HCRTR2: variants seen among roughly 807,000 people sequenced by gnomAD.
HCRTR2 encodes orexin receptor type 2.
A neutral mutation model predicts 49.0 loss-of-function variants in HCRTR2; 22 were observed. The ratio of observed to expected loss-of-function variants is 0.45; its 90% CI spans 0.32 to 0.64. HCRTR2 has a LOEUF of 0.64. Ranked by LOEUF, HCRTR2 falls within the 30% of genes least tolerant of loss-of-function variation. The pLI, the probability that HCRTR2 is intolerant of heterozygous loss-of-function variation, is 0.04. For synonymous variants in HCRTR2, 236 were observed against 205.3 expected, an observed-to-expected ratio of 1.15 and a Z score of -1.28; for missense variants, 491 against 559.4, an observed-to-expected ratio of 0.88 and a Z score of 1.23.
chr6:55,176,262 A>G (rs1189272203), intron 1 of HCRTR2, among the ~76,000 whole-genome samples: 2 of 152,214 alleles, frequency 1.3e-5, no homozygotes, highest in Non-Finnish European at 2.9e-5. Context: ...GTACATTTTT[A>G]AATATTATTT....
At chr6:55,138,731 C>T (rs1764464637) in intron 1 of HCRTR2, among the ~76,000 whole-genome samples, 2 of 152,198 alleles carry the variant, frequency 1.3e-5, no homozygotes, top group Admixed American at 1.3e-4. Flanking sequence ...TCTATAGTTA[C>T]TCTCCGGCAC....
At chr6:55,145,589 G>C (rs1324981909) in intron 1 of HCRTR2, among the ~76,000 whole-genome samples, 2 of 151,796 alleles carry the variant, frequency 1.3e-5, no homozygotes, top group Non-Finnish European at 2.9e-5. Context: ...TTTTGTTTTT[G>C]TATTTTTAGT....
At chr6:55,220,377 T>A (rs75427684) in intron 1 of HCRTR2, among the ~76,000 whole-genome samples, 1,681 of 152,302 alleles carry the variant, frequency 0.011, 35 homozygotes, top group African/African-American at 0.039. Flanking sequence ...GTTGAATTTA[T>A]CTCTGGAATG....
intron 1 of HCRTR2, among the ~76,000 whole-genome samples, chr6:55,136,263 A>T (rs556553353): frequency 6.6e-6 from 1 of 152,208 alleles, no homozygotes; most frequent in Non-Finnish European, 1.5e-5. Flanking sequence ...GCTGGTTGTC[A>T]TGGAATTGAG....
At position 55,166,883 on chromosome 6, in the gene HCRTR2, C is replaced by T. The variant is rs977708099; in HGVS notation, c.-377-7328C>T. On this transcript the variant is annotated intron_variant, in intron 1 of 7. Transcript: ENST00000615358. ...ATTCAGCCACAAAAATAATAAAGTA[C>T]GGATAGACACTAAAACATGGAAGAA... Among the ~76,000 whole-genome samples, 8 of 151,998 alleles carry T rather than the reference C, an allele frequency of 5.3e-5. No individual in the cohort carries two copies. The South Asian group carries it at 6.2e-4, about 12-fold the overall frequency.
intron 1 of HCRTR2, among the ~76,000 whole-genome samples, chr6:55,125,156 T>C (rs1764255817): frequency 6.6e-6 from 1 of 152,224 alleles, no homozygotes. Context: ...ACTGTCATTA[T>C]GATGCTAGCT....
At chr6:55,187,009 G>T (rs1765227242) in intron 1 of HCRTR2, among the ~76,000 whole-genome samples, 1 of 151,944 alleles carries the variant, frequency 6.6e-6, no homozygotes, top group South Asian at 2.1e-4. Flanking sequence ...ATTTAATAGA[G>T]AATAGGAGAA....
chr6:55,154,303 C>T (rs9382456), intron 1 of HCRTR2, among the ~76,000 whole-genome samples: 5,806 of 151,860 alleles, frequency 0.038, 222 homozygotes, highest in African/African-American at 0.097. Flanking sequence ...ACCAAAACTA[C>T]GCAAAAATAC....
At chr6:55,222,147 A>G (rs1765909675) in intron 1 of HCRTR2, among the ~76,000 whole-genome samples, 1 of 152,146 alleles carries the variant, frequency 6.6e-6, no homozygotes, top group East Asian at 1.9e-4. Context: ...TGGACAATGG[A>G]CCTGATGGAT....
intron 1 of HCRTR2, among the ~76,000 whole-genome samples, chr6:55,216,234 A>T (rs867449315): frequency 6.6e-6 from 1 of 152,184 alleles, no homozygotes; most frequent in South Asian, 2.1e-4. Flanking sequence ...TTTTAACATG[A>T]GTTTCAGAGT....
intron 1 of HCRTR2, among the ~76,000 whole-genome samples, chr6:55,226,870 C>G (rs543966141): frequency 6.6e-6 from 1 of 151,922 alleles, no homozygotes; most frequent in Non-Finnish European, 1.5e-5. Context: ...AGGTGCCCGC[C>G]ACCACGCCCG....
chr6:55,216,499 A>C (rs943227571), intron 1 of HCRTR2, among the ~76,000 whole-genome samples: 1 of 152,234 alleles, frequency 6.6e-6, no homozygotes, highest in Non-Finnish European at 1.5e-5. Context: ...AATAAGACAG[A>C]CATTCCCTTG....
chr6:55,234,044 A>G (rs183618885), intron 1 of HCRTR2, among the ~76,000 whole-genome samples: 95 of 152,268 alleles, frequency 6.2e-4, no homozygotes, highest in Non-Finnish European at 8.1e-4. Flanking sequence ...ATTATCTAAA[A>G]GGTCATTCTG....
intron 1 of HCRTR2, among the ~76,000 whole-genome samples, chr6:55,140,692 A>G (rs1053796503): frequency 3.9e-5 from 6 of 152,198 alleles, no homozygotes; most frequent in Non-Finnish European, 2.9e-5. Flanking sequence ...TGAAAGATCT[A>G]ACATCATTTT....
intron 1 of HCRTR2, among the ~76,000 whole-genome samples, chr6:55,184,608 G>T (rs75773703): frequency 0.018 from 2,739 of 152,136 alleles, 73 homozygotes; most frequent in African/African-American, 0.062. Flanking sequence ...ATGCTACATT[G>T]ACCCCAAGTG....
At chr6:55,228,028 A>C (rs1210356580) in intron 1 of HCRTR2, among the ~76,000 whole-genome samples, 5 of 152,134 alleles carry the variant, frequency 3.3e-5, no homozygotes, top group African/African-American at 1.2e-4. Flanking sequence ...ATTGCAGTAC[A>C]AACAGACAGT....
At chr6:55,126,719 G>C (rs62416455) in intron 1 of HCRTR2, among the ~76,000 whole-genome samples, 42,543 of 151,848 alleles carry the variant, frequency 0.28, 6,626 homozygotes, top group Non-Finnish European at 0.35. Flanking sequence ...GGGAGATGGC[G>C]TTTTATCTAT....
At chr6:55,128,132 C>G (rs1764306538) in intron 1 of HCRTR2, among the ~76,000 whole-genome samples, 1 of 152,114 alleles carries the variant, frequency 6.6e-6, no homozygotes, top group Non-Finnish European at 1.5e-5. Flanking sequence ...TTTCAATTTT[C>G]TTCATATGGC....
intron 1 of HCRTR2, among the ~76,000 whole-genome samples, chr6:55,151,056 C>A (rs550624185): frequency 5.1e-4 from 77 of 152,124 alleles, no homozygotes; most frequent in African/African-American, 1.8e-3. Flanking sequence ...TAAAACAATG[C>A]TAACAATCAT....
Sources: gnomAD v4.1 joint callset for allele counts (sites outside exome capture counted in the v4.1 genomes callset) on GRCh38, gnomAD v4.1.1 for gene constraint, MANE v1.5 for transcripts, NCBI Gene and HGNC (gene_info 2026-07-23, HGNC 2026-07-21) for gene names.